LRP2: variants seen among roughly 807,000 people sequenced by gnomAD.
LRP2 encodes the protein low-density lipoprotein receptor-related protein 2.
A neutral mutation model predicts 531.0 loss-of-function variants in LRP2; 172 were observed. The observed-to-expected ratio is 0.32, with a 90% CI of 0.29 to 0.37. The LOEUF (loss-of-function observed/expected upper bound fraction) is 0.37. Ranked by LOEUF, LRP2 falls within the 10% of genes least tolerant of loss-of-function variation. LRP2 has a pLI of 1.00. For synonymous variants in LRP2, 1,992 were observed against 2,027.6 expected, an observed-to-expected ratio of 0.98 and a Z score of 0.47; for missense variants, 5,167 against 5,868.3, an observed-to-expected ratio of 0.88 and a Z score of 3.90.
chr2:169,342,421 T>A (rs1015745677), intron 1 of LRP2, among the ~76,000 whole-genome samples: 1 of 152,162 alleles, frequency 6.6e-6, no homozygotes, highest in African/African-American at 2.4e-5. Context: ...TCATCATCTG[T>A]CACCCAGATA....
Position 169,244,710 on chromosome 2 carries a change from G to A in LRP2, c.3413C>T (p.Ser1138Phe). Residue 1138 changes from serine (S) to phenylalanine (F), a missense_variant, in exon 22 of 79, where the codon TCT (serine) becomes TTT (phenylalanine). Physicochemically the swap from Ser to Phe is radical, Grantham distance 155. Coordinates refer to ENST00000649046, the MANE Select transcript of LRP2 (RefSeq NM_004525.3). ...AAACTTACTGCAGTTCTTTTCATCA[G>A]ATCCATCCCCACAATCATTGTCTGT... The part of the protein sequence containing the change: ...CDTDNDCGDG[S>F]DEKNCNSTET... 6.2e-7 allele frequency: 1 copy of A among 1,614,246 alleles called. No homozygotes were observed. The highest frequency in any genetic ancestry group is 8.5e-7 in the Non-Finnish European group (1 of 1,180,046).
At chr2:169,280,328 A>G (rs764504638) in intron 11 of LRP2, 22 bp downstream of exon 11, 8 of 1,613,954 alleles carry the variant, frequency 5.0e-6, no homozygotes, top group Non-Finnish European at 6.8e-6. Flanking sequence ...GGTTCCATTC[A>G]GCTACTGAAA....
intron 71 of LRP2, 104 bp from the exon 72 acceptor site, chr2:169,140,649 G>A: frequency 1.3e-6 from 1 of 770,102 alleles, no homozygotes; most frequent in Admixed American, 2.0e-5. Context: ...GGGCAGGCCA[G>A]CCAATTAGTC....
At position 169,230,915 on chromosome 2, in the gene LRP2, T is replaced by A. The variant is rs534958138; in HGVS notation, c.5227+799A>T. Among the ~76,000 whole-genome samples, 310 of 152,326 alleles carry A rather than the reference T, an allele frequency of 2.0e-3. 1 individual carries two copies. The highest frequency in any genetic ancestry group is 3.3e-3 in the Non-Finnish European group (227 of 68,030). On this transcript the variant is annotated intron_variant, in intron 31 of 78. Coordinates refer to ENST00000649046, the MANE Select transcript of LRP2 (RefSeq NM_004525.3). Reference sequence around the variant, plus strand: ...CAACACAATTCTCCTTCTTAAAGTATCAGATGGTAATAGTAACAGTACTGA... The same window carrying A: ...CAACACAATTCTCCTTCTTAAAGTAACAGATGGTAATAGTAACAGTACTGA...
intron 76 of LRP2, among the ~76,000 whole-genome samples, chr2:169,132,910 A>T (rs545803742): frequency 9.2e-5 from 14 of 152,242 alleles, no homozygotes; most frequent in Non-Finnish European, 1.3e-4. Flanking sequence ...TAATCCTGGG[A>T]GGCAAATACA....
At chr2:169,325,771 T>A (rs1685031904) in intron 1 of LRP2, among the ~76,000 whole-genome samples, 1 of 151,956 alleles carries the variant, frequency 6.6e-6, no homozygotes, top group East Asian at 1.9e-4. Flanking sequence ...TCCTTACAGA[T>A]CATCAAATAG....
chr2:169,136,641 G>T (rs1231020225), intron 76 of LRP2, among the ~76,000 whole-genome samples: 1 of 120,934 alleles, frequency 8.3e-6, no homozygotes, highest in Non-Finnish European at 1.7e-5. Flanking sequence ...AGCACCTTGT[G>T]ACCCCCACTC....
At chr2:169,293,337 A>G (rs758463448) in intron 6 of LRP2, among the ~76,000 whole-genome samples, 4 of 152,236 alleles carry the variant, frequency 2.6e-5, no homozygotes, top group Non-Finnish European at 5.9e-5. Context: ...CATAAAAGCA[A>G]GGTCAGCGTG....
chr2:169,204,305 A>T (rs1688303244), intron 41 of LRP2, 34 bp from the exon 42 acceptor site: 2 of 1,600,994 alleles, frequency 1.2e-6, no homozygotes, highest in African/African-American at 1.3e-5. Context: ...TAGAAGTTGA[A>T]ATCTCAAGTG....
chr2:169,196,645 A>G (rs151233650), intron 46 of LRP2, among the ~76,000 whole-genome samples: 26 of 152,364 alleles, frequency 1.7e-4, no homozygotes, highest in African/African-American at 6.3e-4. Flanking sequence ...CCAGCTAAGC[A>G]CTGTATTAGG....
chr2:169,165,830 C>T, intron 62 of LRP2, 102 bp downstream of exon 62: 3 of 1,421,390 alleles, frequency 2.1e-6, no homozygotes, highest in Non-Finnish European at 3.0e-6. Context: ...CAGTCATGGG[C>T]ACAACTCTAT....
chr2:169,275,486 G>C lies in LRP2; in HGVS notation c.1773-248C>G, dbSNP rs1433979998. 5 of 488,626 alleles carry C rather than the reference G, an allele frequency of 1.0e-5. No individual in the cohort carries two copies. The East Asian group carries it at 2.0e-4, about 19-fold the overall frequency. The allele number at this position is 488,626 out of a possible 1,614,324, so 30.3% of individuals were successfully genotyped here. On this transcript the variant is annotated intron_variant, in intron 13 of 78. Coordinates refer to ENST00000649046, the MANE Select transcript of LRP2 (RefSeq NM_004525.3). Reference sequence around the variant, plus strand: ...CCAGTCCCAGTCAATCCTTTAGCTTGTCCTAGACTTTTTTGGAATTTACTG... The same window carrying C: ...CCAGTCCCAGTCAATCCTTTAGCTTCTCCTAGACTTTTTTGGAATTTACTG...
chr2:169,327,676 C>T (rs1685126747), intron 1 of LRP2, among the ~76,000 whole-genome samples: 2 of 93,992 alleles, frequency 2.1e-5, no homozygotes, highest in Non-Finnish European at 4.4e-5. Context: ...TCAGCCCCCT[C>T]CCGGCCAGCC....
chr2:169,220,277 C>T (rs1272651642), intron 34 of LRP2, among the ~76,000 whole-genome samples, 177 bp downstream of exon 34: 1 of 152,160 alleles, frequency 6.6e-6, no homozygotes, highest in African/African-American at 2.4e-5. Flanking sequence ...AAACAATATC[C>T]TGCACATTAA....
At chr2:169,349,280 G>T (rs1352693762) in intron 1 of LRP2, among the ~76,000 whole-genome samples, 1 of 152,180 alleles carries the variant, frequency 6.6e-6, no homozygotes, top group South Asian at 2.1e-4. Flanking sequence ...TGACCTATGA[G>T]CAAAGACCTG....
At chr2:169,257,859 TAAAA>T (rs11412926) in intron 17 of LRP2, among the ~76,000 whole-genome samples, 1 of 137,584 alleles carries the variant, frequency 7.3e-6, no homozygotes, top group African/African-American at 2.7e-5. Context: ...CAAAAGAAAA[TAAAA>T]AAACAACTTT....
Position 169,212,057 on chromosome 2 carries a change from A to T in LRP2, c.6191T>A (p.Phe2064Tyr). 1 of 1,614,070 alleles carries T rather than the reference A, an allele frequency of 6.2e-7. No homozygotes were observed. Among genetic ancestry groups the T allele is most frequent in the East Asian group, 2.2e-5 (1 of 44,882 alleles). ...DNRSCSPYNS[F>Y]IVVSMLSAIR... ...TGCAGACAGCATTGAAACAACAATG[A>T]AAGAGTTATATGGAGAGCAGGACCG... is the stretch of plus-strand genomic sequence containing the variant. The change falls in exon 37 of 79, where the codon TTC (phenylalanine) becomes TAC (tyrosine). Residue 2064 changes from phenylalanine (F) to tyrosine (Y), a missense_variant. Physicochemically the swap from Phe to Tyr is conservative, Grantham distance 22. Around this residue, in one of 6 missense-constraint regions of LRP2, gnomAD observed 2,811 missense variants for 3,058.0 expected, o/e 0.92. Coordinates refer to ENST00000649046, the MANE Select transcript of LRP2 (RefSeq NM_004525.3).
At chr2:169,273,200 T>C in intron 14 of LRP2, 133 bp from the exon 15 acceptor site, 1 of 931,214 alleles carries the variant, frequency 1.1e-6, no homozygotes, top group Non-Finnish European at 1.7e-6. Context: ...AAAACATTAC[T>C]ACTGGTTACT....
intron 64 of LRP2, among the ~76,000 whole-genome samples, chr2:169,156,653 A>G (rs1686341884): frequency 6.6e-6 from 1 of 152,218 alleles, no homozygotes; most frequent in Admixed American, 6.5e-5. Flanking sequence ...CACAGTCCCA[A>G]AGCTGATAAG....
Sources: gnomAD v4.1 joint callset for allele counts (sites outside exome capture counted in the v4.1 genomes callset) on GRCh38, gnomAD v4.1.1 for gene constraint, gnomAD v4.1.1 regional missense constraint, MANE v1.5 for transcripts, NCBI Gene and HGNC (gene_info 2026-07-23, HGNC 2026-07-21) for gene names.